Variants in TXNRD2 observed in about 807,000 individuals in gnomAD.
TXNRD2 encodes the protein thioredoxin reductase 2, mitochondrial.
A neutral mutation model predicts 70.8 loss-of-function variants in TXNRD2; 67 were observed. The observed-to-expected ratio is 0.95, with a 90% confidence interval of 0.78 to 1.16. The LOEUF (loss-of-function observed/expected upper bound fraction) is 1.16, where lower values mean the gene tolerates loss of function less well. Ranked by LOEUF, TXNRD2 falls within the 50% of genes most tolerant of loss-of-function variation. The pLI is 0.00. For synonymous variants in TXNRD2, 301 were observed against 295.8 expected (o/e 1.02, Z -0.18); for missense variants, 644 against 719.9 (o/e 0.89, Z 1.21).
chr22:19,913,686 T>C (rs73880009), intron 7 of TXNRD2, among the ~76,000 whole-genome samples: 5,223 of 152,318 alleles, frequency 0.034, 128 homozygotes, highest in South Asian at 0.086. Flanking sequence ...GCCAGGCGCA[T>C]GCACAGCACT....
chr22:19,928,432 C>A (rs1396686335), intron 2 of TXNRD2, among the ~76,000 whole-genome samples: 1 of 152,180 alleles, frequency 6.6e-6, no homozygotes, highest in African/African-American at 2.4e-5. Context: ...GAAGATGAGT[C>A]TCAAGGTCAT....
chr22:19,892,451 C>T (rs575335588), intron 11 of TXNRD2, among the ~76,000 whole-genome samples: 2 of 152,390 alleles, frequency 1.3e-5, no homozygotes, highest in South Asian at 4.1e-4. Context: ...TCATGCCAGG[C>T]AGACTGTCTG....
At chr22:19,907,275 G>A (rs1179512209) in intron 8 of TXNRD2, among the ~76,000 whole-genome samples, 2 of 49,340 alleles carry the variant, frequency 4.1e-5, no homozygotes, top group African/African-American at 8.7e-5. Flanking sequence ...AGCAGTGACC[G>A]CTCTCAGGAG....
chr22:19,902,402 A>T (rs1939817508), intron 8 of TXNRD2, among the ~76,000 whole-genome samples: 1 of 152,202 alleles, frequency 6.6e-6, no homozygotes, highest in Admixed American at 6.5e-5. Flanking sequence ...AGGCTTAAAG[A>T]GCAATCCATC....
chr22:19,900,648 G>C (rs1288478125), intron 8 of TXNRD2, among the ~76,000 whole-genome samples: 2 of 152,100 alleles, frequency 1.3e-5, no homozygotes, highest in Admixed American at 6.5e-5. Flanking sequence ...TGCTGGGGAG[G>C]CCGAGACAGG....
chr22:19,922,010 T>A (rs1411247332), intron 2 of TXNRD2, among the ~76,000 whole-genome samples: 1 of 152,216 alleles, frequency 6.6e-6, no homozygotes, highest in African/African-American at 2.4e-5. Context: ...AAACTGACTC[T>A]TAATAACTGC....
intron 2 of TXNRD2, 112 bp from the exon 3 acceptor site, chr22:19,919,711 T>C: frequency 1.9e-6 from 2 of 1,056,616 alleles, no homozygotes; most frequent in Non-Finnish European, 2.8e-6. Context: ...GGCCTGGGCC[T>C]GCGGCTGCCC....
At chr22:19,924,058 C>T (rs530343422) in intron 2 of TXNRD2, among the ~76,000 whole-genome samples, 14 of 151,692 alleles carry the variant, frequency 9.2e-5, no homozygotes, top group Admixed American at 3.3e-4. Context: ...TGGTGTGCAG[C>T]GGTGCGATCA....
chr22:19,929,780 T>C (rs1941289917), intron 2 of TXNRD2, among the ~76,000 whole-genome samples: 1 of 151,834 alleles, frequency 6.6e-6, no homozygotes, highest in Non-Finnish European at 1.5e-5. Flanking sequence ...CTCGCCAATC[T>C]TGACTGCGGT....
chr22:19,927,651 C>CAAAAAAAA (rs149665821), intron 2 of TXNRD2, among the ~76,000 whole-genome samples: 59 of 68,338 alleles, frequency 8.6e-4, no homozygotes, highest in East Asian at 1.7e-3. Flanking sequence ...GACCTTGTCT[C>CAAAAAAAA]AAAAAAAAAA....
chr22:19,883,188 T>C (rs1601388821), intron 12 of TXNRD2, 137 bp downstream of exon 12: 1 of 1,148,296 alleles, frequency 8.7e-7, no homozygotes, highest in Non-Finnish European at 1.2e-6. Context: ...AGGCTGGCCC[T>C]GGGGTTTGGC....
chr22:19,905,859 C>T (rs1296018562), intron 8 of TXNRD2, among the ~76,000 whole-genome samples: 1 of 147,098 alleles, frequency 6.8e-6, no homozygotes, highest in Non-Finnish European at 1.5e-5. Context: ...GCAGCCAGCC[C>T]AAGGAAGTAA....
chr22:19,908,647 T>C (rs1270061759), intron 8 of TXNRD2, among the ~76,000 whole-genome samples: 2 of 152,194 alleles, frequency 1.3e-5, no homozygotes, highest in East Asian at 3.9e-4. Flanking sequence ...CCAAAAGAAC[T>C]GAAAGGTCTT....
chr22:19,935,229 G>C (rs960083266), intron 1 of TXNRD2, among the ~76,000 whole-genome samples: 2 of 152,092 alleles, frequency 1.3e-5, no homozygotes, highest in South Asian at 2.1e-4. Flanking sequence ...ATGCATTCCT[G>C]GGGGGAGGTC....
intron 7 of TXNRD2, among the ~76,000 whole-genome samples, chr22:19,914,552 G>C (rs1191110867): frequency 6.6e-6 from 1 of 152,166 alleles, no homozygotes; most frequent in African/African-American, 2.4e-5. Flanking sequence ...ACATGAGAAG[G>C]ACTTACATGT....
intron 11 of TXNRD2, chr22:19,884,490 T>C (rs1480181501): frequency 6.6e-6 from 1 of 152,232 alleles, no homozygotes; most frequent in African/African-American, 2.4e-5. Context: ...ACTGACTTCA[T>C]CCGGAGAAAC....
At chr22:19,902,828 T>G (rs1262183009) in intron 8 of TXNRD2, 2 of 421,162 alleles carry the variant, frequency 4.7e-6, no homozygotes, top group African/African-American at 4.1e-5. Context: ...CAGCGGAATG[T>G]GCCACTTAAA....
chr22:19,882,598 C>A (rs1411767436), intron 12 of TXNRD2, among the ~76,000 whole-genome samples: 1 of 152,154 alleles, frequency 6.6e-6, no homozygotes, highest in Non-Finnish European at 1.5e-5. Context: ...GTACCACAGC[C>A]CCAGGACGCA....
chr22:19,897,597 C>A (rs910344276), intron 10 of TXNRD2, among the ~76,000 whole-genome samples: 1 of 152,180 alleles, frequency 6.6e-6, no homozygotes, highest in African/African-American at 2.4e-5. Context: ...GCCAGCGCTG[C>A]CCTGTGTCCC....
Sources: allele counts gnomAD v4.1 joint callset (sites outside exome capture counted in the v4.1 genomes callset), GRCh38; gene constraint gnomAD v4.1.1; transcripts MANE v1.5; gene names NCBI Gene and HGNC (gene_info 2026-07-23, HGNC 2026-07-21).